The following EXT1 variants were observed in gnomAD, a reference collection of about 807,000 sequenced individuals.
EXT1 encodes the protein exostosin glycosyltransferase 1.
In EXT1, 20 loss-of-function variants were observed where a neutral mutation model predicts 82.5. That is an observed-to-expected ratio of 0.24 (90% CI 0.17 to 0.35). The LOEUF is 0.35. Among genes scored for constraint, EXT1 ranks in the 10% least tolerant of loss-of-function variants. The pLI is 1.00. For missense variants in EXT1, 757 were observed against 936.5 expected (o/e 0.81, Z 2.50); for synonymous variants, 348 against 350.8 (o/e 0.99, Z 0.09).
At chr8:117,901,280 T>C (rs569974158) in intron 1 of EXT1, among the ~76,000 whole-genome samples, 1 of 152,358 alleles carries the variant, frequency 6.6e-6, no homozygotes, top group South Asian at 2.1e-4. Context: ...ACTACAAATC[T>C]GTATATCACA....
intron 4 of EXT1, among the ~76,000 whole-genome samples, chr8:117,826,048 T>C (rs1375544219): frequency 6.6e-6 from 1 of 152,206 alleles, no homozygotes; most frequent in African/African-American, 2.4e-5. Flanking sequence ...TTTTGCAGTG[T>C]TTTTTCATTG....
At chr8:117,955,550 T>C (rs1475975519) in intron 1 of EXT1, among the ~76,000 whole-genome samples, 2 of 152,188 alleles carry the variant, frequency 1.3e-5, no homozygotes, top group South Asian at 2.1e-4. Flanking sequence ...CAGTTGGGTG[T>C]CAAGGGGCAG....
At chr8:117,802,266 T>G (rs1204897728) in intron 10 of EXT1, among the ~76,000 whole-genome samples, 4 of 152,198 alleles carry the variant, frequency 2.6e-5, no homozygotes, top group Non-Finnish European at 5.9e-5. Context: ...AGAGGCCTTG[T>G]ATGACTAGAA....
intron 1 of EXT1, among the ~76,000 whole-genome samples, chr8:118,086,228 C>T (rs1457428220): frequency 1.3e-5 from 2 of 152,284 alleles, no homozygotes; most frequent in South Asian, 2.1e-4. Flanking sequence ...TATTGACTGC[C>T]TAAAATTTGT....
chr8:117,853,283 G>A (rs1435420880), intron 1 of EXT1, among the ~76,000 whole-genome samples: 1 of 152,158 alleles, frequency 6.6e-6, no homozygotes, highest in African/African-American at 2.4e-5. Context: ...GGTGTCTCAC[G>A]CCTGTGATCC....
At chr8:118,002,302 G>T (rs1158046005) in intron 1 of EXT1, among the ~76,000 whole-genome samples, 1 of 149,456 alleles carries the variant, frequency 6.7e-6, no homozygotes, top group Non-Finnish European at 1.5e-5. Flanking sequence ...AACCGCTTGA[G>T]CCTGGGAGGC....
At chr8:118,008,165 C>G (rs1343431294) in intron 1 of EXT1, among the ~76,000 whole-genome samples, 6 of 152,150 alleles carry the variant, frequency 3.9e-5, no homozygotes, top group Admixed American at 3.9e-4. Flanking sequence ...TGAGAACATG[C>G]AGTGTTTGGT....
intron 1 of EXT1, among the ~76,000 whole-genome samples, chr8:117,918,807 AG>A (rs1355802730): frequency 6.6e-6 from 1 of 152,204 alleles, no homozygotes; most frequent in Non-Finnish European, 1.5e-5. Flanking sequence ...CTGGATCTCG[AG>A]GAACTATAAA....
Position 117,857,278 on chromosome 8 carries a change from A to G in EXT1, c.963-20077T>C, listed in dbSNP as rs566257712. The stretch of plus-strand genomic sequence containing the variant: ...TAGATCAAGAAGTAATTTTGGGGCC[A>G]GGCACAGTGGCTCATGCCTGTAATC... On this transcript the variant is annotated intron_variant, in intron 1 of 10. Coordinates refer to ENST00000378204, the MANE Select transcript of EXT1 (RefSeq NM_000127.3). Among the ~76,000 whole-genome samples the G allele has an allele frequency of 1.2e-3, 183 of 152,302 alleles. 1 individual carries two copies. Among genetic ancestry groups the G allele is most frequent in the Non-Finnish European group, 1.9e-3 (131 of 68,024 alleles).
At chr8:118,021,642 C>T (rs555880712) in intron 1 of EXT1, among the ~76,000 whole-genome samples, 17 of 152,296 alleles carry the variant, frequency 1.1e-4, no homozygotes, top group African/African-American at 3.8e-4. Flanking sequence ...ACAACAGAAT[C>T]GTTTCCCTGT....
chr8:117,834,331 G>A (rs1487006090), intron 3 of EXT1, among the ~76,000 whole-genome samples: 8 of 152,164 alleles, frequency 5.3e-5, no homozygotes, highest in Non-Finnish European at 1.0e-4. Flanking sequence ...GAGGCCAGGC[G>A]CGGTGGCTCA....
chr8:117,830,803 T>C (rs1406271515), intron 3 of EXT1, among the ~76,000 whole-genome samples: 2 of 152,226 alleles, frequency 1.3e-5, no homozygotes, highest in African/African-American at 4.8e-5. Flanking sequence ...TTAGAGAATG[T>C]CTATGAGCCT....
chr8:118,003,226 G>C (rs1815708620), intron 1 of EXT1, among the ~76,000 whole-genome samples: 1 of 152,080 alleles, frequency 6.6e-6, no homozygotes, highest in African/African-American at 2.4e-5. Context: ...ATAAGAATGA[G>C]AAAATGGACT....
chr8:117,929,721 G>C (rs1433129016), intron 1 of EXT1, among the ~76,000 whole-genome samples: 1 of 152,180 alleles, frequency 6.6e-6, no homozygotes, highest in African/African-American at 2.4e-5. Context: ...AGCTTTCACA[G>C]CCGGATTAAC....
chr8:117,881,119 G>A (rs1168103365), intron 1 of EXT1, among the ~76,000 whole-genome samples: 1 of 152,142 alleles, frequency 6.6e-6, no homozygotes, highest in Non-Finnish European at 1.5e-5. Context: ...GTCTAGTTCA[G>A]AGGTGGTAAA....
At chr8:117,889,912 G>A (rs1056448490) in intron 1 of EXT1, among the ~76,000 whole-genome samples, 1 of 152,098 alleles carries the variant, frequency 6.6e-6, no homozygotes, top group African/African-American at 2.4e-5. Flanking sequence ...AAAACCTATA[G>A]CTGGGTTCTG....
chr8:117,815,915 CAAGAGCG>C (rs1811803859), intron 7 of EXT1, among the ~76,000 whole-genome samples: 2 of 131,188 alleles, frequency 1.5e-5, no homozygotes, highest in South Asian at 4.7e-4. Context: ...GGACAGGCAA[CAAGAGCG>C]AAACTCTGCC....
intron 1 of EXT1, among the ~76,000 whole-genome samples, chr8:118,031,524 C>CA (rs543531175): frequency 0.03 from 3,859 of 128,454 alleles, 159 homozygotes; most frequent in African/African-American, 0.098. Flanking sequence ...GGTTCCATCT[C>CA]AAAAAAAAAA....
intron 1 of EXT1, among the ~76,000 whole-genome samples, chr8:117,973,056 G>A (rs117182930): frequency 3.3e-4 from 50 of 152,266 alleles, no homozygotes; most frequent in Non-Finnish European, 6.0e-4. Flanking sequence ...CCTTAAGCCT[G>A]AATGATAATT....
Sources: allele counts gnomAD v4.1 joint callset (sites outside exome capture counted in the v4.1 genomes callset), GRCh38; gene constraint gnomAD v4.1.1; transcripts MANE v1.5; gene names NCBI Gene and HGNC (gene_info 2026-07-23, HGNC 2026-07-21).